NRG2: variants seen among roughly 807,000 people sequenced by gnomAD.
NRG2 encodes the protein neuregulin 2, also known as pro-neuregulin-2, membrane-bound isoform.
In NRG2, 27 loss-of-function variants were observed where a neutral mutation model predicts 73.9. The observed-to-expected ratio is 0.37, with a 90% CI of 0.27 to 0.50. The LOEUF is 0.50. NRG2 is among the 20% of genes least tolerant of loss of function. NRG2 has a pLI of 0.96. For missense variants in NRG2, 1,126 were observed against 1,210.1 expected, an observed-to-expected ratio of 0.93 and a Z score of 1.03; for synonymous variants, 532 against 541.0, an observed-to-expected ratio of 0.98 and a Z score of 0.23.
chr5:139,855,864 C>T, intron 5 of NRG2, 86 bp from the exon 6 acceptor site: 1 of 1,027,744 alleles, frequency 9.7e-7, no homozygotes, highest in Non-Finnish European at 1.5e-6. Context: ...GCCCCCAAAG[C>T]CATAGGCTCT....
intron 1 of NRG2, among the ~76,000 whole-genome samples, chr5:139,968,513 C>T (rs2126524330): frequency 6.6e-6 from 1 of 152,290 alleles, no homozygotes; most frequent in East Asian, 1.9e-4. Context: ...GGTCGATCCT[C>T]GCCAAAGGGG....
chr5:140,002,750 T>C (rs575542601), intron 1 of NRG2, among the ~76,000 whole-genome samples: 21 of 152,288 alleles, frequency 1.4e-4, no homozygotes, highest in African/African-American at 4.8e-4. Context: ...GACTGCTGTG[T>C]TCAGAATAGA....
intron 1 of NRG2, among the ~76,000 whole-genome samples, chr5:139,892,166 A>T (rs150072766): frequency 2.8e-3 from 432 of 152,320 alleles, no homozygotes; most frequent in Non-Finnish European, 4.6e-3. Flanking sequence ...GCAGCAGCTC[A>T]GGTGGCAGGA....
At chr5:140,030,821 C>G (rs34155856) in intron 1 of NRG2, among the ~76,000 whole-genome samples, 1 of 152,274 alleles carries the variant, frequency 6.6e-6, no homozygotes, top group African/African-American at 2.4e-5. Flanking sequence ...CCTGAATCAC[C>G]TGGGCTGAGC....
At chr5:140,017,316 G>A (rs1177346893) in intron 1 of NRG2, among the ~76,000 whole-genome samples, 1 of 152,146 alleles carries the variant, frequency 6.6e-6, no homozygotes, top group Non-Finnish European at 1.5e-5. Flanking sequence ...TCCAGTTTGT[G>A]ATATCTATGA....
At chr5:139,850,428 T>C (rs1483499374) in intron 9 of NRG2, among the ~76,000 whole-genome samples, 1 of 152,206 alleles carries the variant, frequency 6.6e-6, no homozygotes, top group East Asian at 1.9e-4. Context: ...GCACCTTCCA[T>C]AGGCTGCTGT....
chr5:139,970,204 G>A (rs1029546193), intron 1 of NRG2, among the ~76,000 whole-genome samples: 2 of 152,114 alleles, frequency 1.3e-5, no homozygotes, highest in Non-Finnish European at 2.9e-5. Context: ...CCAAAACACT[G>A]GAGTAAAACA....
At chr5:140,010,781 T>A (rs1759302467) in intron 1 of NRG2, among the ~76,000 whole-genome samples, 1 of 152,184 alleles carries the variant, frequency 6.6e-6, no homozygotes, top group African/African-American at 2.4e-5. Flanking sequence ...CTGTATTGGG[T>A]ACTTTAGTTA....
intron 1 of NRG2, among the ~76,000 whole-genome samples, chr5:140,028,617 T>C (rs1475732026): frequency 1.3e-5 from 2 of 152,194 alleles, no homozygotes; most frequent in Non-Finnish European, 2.9e-5. Flanking sequence ...AGATGACACA[T>C]TGGCCAGGGG....
intron 1 of NRG2, among the ~76,000 whole-genome samples, chr5:139,992,557 T>A (rs912552405): frequency 3.9e-5 from 6 of 152,208 alleles, no homozygotes; most frequent in Non-Finnish European, 8.8e-5. Flanking sequence ...CACTAACACG[T>A]CCTTATGTAG....
At chr5:139,968,327 G>T (rs1755705617) in intron 1 of NRG2, among the ~76,000 whole-genome samples, 1 of 152,234 alleles carries the variant, frequency 6.6e-6, no homozygotes, top group Non-Finnish European at 1.5e-5. Flanking sequence ...CCGGAGCTGA[G>T]AGGGCCTGCG....
intron 1 of NRG2, among the ~76,000 whole-genome samples, chr5:140,014,234 A>AT (rs34454854): frequency 0.26 from 39,046 of 150,932 alleles, 5,661 homozygotes; most frequent in African/African-American, 0.39. Context: ...AAAAGCTTGG[A>AT]TTTTTTTTTC....
In NRG2 at chr5:139,847,600, CACA is replaced by C. The variant is rs1581751649; in HGVS notation, c.*314_*316del. 4.7e-6 allele frequency: 1 copy of C among 211,138 alleles called. No homozygotes were observed. Among genetic ancestry groups the C allele is most frequent in the East Asian group, 9.8e-5 (1 of 10,206 alleles). The allele number at this position is 211,138 out of a possible 1,614,324, so 13.1% of individuals were successfully genotyped here. ...CAGATGAGCATACAGCAAAAGGCAC[CACA>C]AAATAGGTTTCTATTAAAGAGTCAA... On this transcript the variant is annotated 3_prime_UTR_variant, in exon 10 of 10. Transcript: ENST00000361474.
intron 1 of NRG2, among the ~76,000 whole-genome samples, chr5:139,974,088 T>A (rs1001932052): frequency 3.2e-4 from 49 of 152,186 alleles, no homozygotes; most frequent in Non-Finnish European, 1.5e-5. Context: ...AGGAGCCACT[T>A]ACAATTCCTA....
At chr5:139,861,795 A>T (rs1270800613) in intron 5 of NRG2, 1 of 509,910 alleles carries the variant, frequency 2.0e-6, no homozygotes, top group African/African-American at 1.9e-5. Flanking sequence ...TGAGTAGTTA[A>T]TGCTGTGGCC....
At chr5:140,039,601 A>G (rs867492747) in intron 1 of NRG2, among the ~76,000 whole-genome samples, 20 of 152,264 alleles carry the variant, frequency 1.3e-4, no homozygotes, top group Admixed American at 1.0e-3. Context: ...ATTTATGAGG[A>G]CTGATAAGAA....
chr5:140,025,668 T>C (rs1339778050), intron 1 of NRG2, among the ~76,000 whole-genome samples: 1 of 152,228 alleles, frequency 6.6e-6, no homozygotes, highest in African/African-American at 2.4e-5. Context: ...TACCAATATA[T>C]ACATACCTAA....
chr5:139,946,959 G>T (rs1297263890), intron 1 of NRG2, among the ~76,000 whole-genome samples: 2 of 151,606 alleles, frequency 1.3e-5, no homozygotes, highest in Non-Finnish European at 2.9e-5. Context: ...CACAAGTCAA[G>T]ACTATAGTGA....
intron 3 of NRG2, 40 bp from the exon 4 acceptor site, chr5:139,871,881 C>A: frequency 6.2e-7 from 1 of 1,606,394 alleles, no homozygotes; most frequent in Non-Finnish European, 8.5e-7. Flanking sequence ...CGCACTGAGA[C>A]TATCCCTAGG....
Sources: gnomAD v4.1 joint callset for allele counts (sites outside exome capture counted in the v4.1 genomes callset) on GRCh38, gnomAD v4.1.1 for gene constraint, MANE v1.5 for transcripts, NCBI Gene and HGNC (gene_info 2026-07-23, HGNC 2026-07-21) for gene names.